Variants in LMNB1 observed in about 807,000 individuals in gnomAD.
LMNB1 encodes the protein lamin-B1.
A neutral mutation model predicts 67.1 loss-of-function variants in LMNB1; 23 were observed. That is an observed-to-expected ratio of 0.34 (90% CI 0.25 to 0.49). The LOEUF (loss-of-function observed/expected upper bound fraction) is 0.49. Among genes scored for constraint, LMNB1 ranks in the 20% least tolerant of loss-of-function variants. LMNB1 has a pLI of 0.99. For missense variants in LMNB1, 634 were observed against 746.5 expected (o/e 0.85, Z 1.76); for synonymous variants, 281 against 282.9 (o/e 0.99, Z 0.07).
intron 1 of LMNB1, among the ~76,000 whole-genome samples, chr5:126,778,137 G>A (rs769735067): frequency 3.3e-5 from 5 of 152,166 alleles, no homozygotes; most frequent in Non-Finnish European, 7.4e-5. Flanking sequence ...GTAAGTGCGC[G>A]CCTGGGACTG....
chr5:126,798,762 A>AGTGTGTGTGTGTGTGTGTGT (rs71665643), intron 1 of LMNB1, among the ~76,000 whole-genome samples: 8 of 149,068 alleles, frequency 5.4e-5, no homozygotes, highest in Non-Finnish European at 1.2e-4. Flanking sequence ...AAAAAAGAGA[A>AGTGTGTGTGTGTGTGTGTGT]GTGTGTGTGT....
chr5:126,778,235 G>A (rs1750526154), intron 1 of LMNB1, among the ~76,000 whole-genome samples: 1 of 151,922 alleles, frequency 6.6e-6, no homozygotes. Context: ...GGGAGCTGGA[G>A]CGCGAGCGCG....
At chr5:126,786,006 TC>T (rs534684503) in intron 1 of LMNB1, among the ~76,000 whole-genome samples, 54 of 147,544 alleles carry the variant, frequency 3.7e-4, no homozygotes, top group African/African-American at 1.3e-3. Context: ...AAAGCAAGAC[TC>T]CCTTTGGGGG....
chr5:126,788,685 C>G (rs1750872495), intron 1 of LMNB1, among the ~76,000 whole-genome samples: 2 of 152,052 alleles, frequency 1.3e-5, no homozygotes, highest in Admixed American at 1.3e-4. Context: ...AGTCATGGAA[C>G]AAGGGTTTTT....
At chr5:126,826,955 A>G (rs569474281) in intron 9 of LMNB1, among the ~76,000 whole-genome samples, 12 of 152,242 alleles carry the variant, frequency 7.9e-5, no homozygotes, top group Admixed American at 1.3e-4. Context: ...TCCTTTGCCT[A>G]CCAGGAGAGC....
Position 126,821,144 on chromosome 5 carries a change from A to C in LMNB1, c.1386+9A>C, listed in dbSNP as rs1751859707. 3 of 1,575,388 alleles carry C rather than the reference A, an allele frequency of 1.9e-6. No homozygotes were observed. On this transcript the variant is annotated intron_variant, in intron 7 of 10. Coordinates refer to ENST00000261366, the MANE Select transcript of LMNB1 (RefSeq NM_005573.4). Reference sequence around the variant, plus strand: ...AGAACACTTCTGAACAGGTAATAAAATAGACCCTTTTTTTTCTAGCAAGGC... The same window carrying C: ...AGAACACTTCTGAACAGGTAATAAACTAGACCCTTTTTTTTCTAGCAAGGC...
chr5:126,783,462 A>G (rs1275122100), intron 1 of LMNB1, among the ~76,000 whole-genome samples: 1 of 152,050 alleles, frequency 6.6e-6, no homozygotes, highest in Admixed American at 6.6e-5. Context: ...GTTATGTTAA[A>G]TGTTACTTTA....
chr5:126,822,026 T>TC (rs895256487), intron 7 of LMNB1, among the ~76,000 whole-genome samples: 3 of 151,768 alleles, frequency 2.0e-5, no homozygotes, highest in Non-Finnish European at 4.4e-5. Context: ...TTTTTTTTTT[T>TC]TGAGTCTTGC....
intron 1 of LMNB1, among the ~76,000 whole-genome samples, chr5:126,782,503 G>A (rs1437664209): frequency 6.6e-6 from 1 of 152,034 alleles, no homozygotes; most frequent in Non-Finnish European, 1.5e-5. Context: ...AAAAATTTTA[G>A]GTTTTCAAAC....
intron 9 of LMNB1, among the ~76,000 whole-genome samples, chr5:126,832,276 G>C (rs1294576964): frequency 6.6e-6 from 1 of 152,024 alleles, no homozygotes; most frequent in African/African-American, 2.4e-5. Context: ...TCCAAAAAAA[G>C]GGATGAATAA....
intron 6 of LMNB1, 65 bp from the exon 7 acceptor site, chr5:126,820,845 T>C (rs1580551433): frequency 3.1e-6 from 4 of 1,305,434 alleles, no homozygotes; most frequent in Non-Finnish European, 4.3e-6. Flanking sequence ...TTTTGTTTTT[T>C]TTTTTTTTAA....
At chr5:126,828,396 C>CA (rs1316920816) in intron 9 of LMNB1, among the ~76,000 whole-genome samples, 1 of 151,792 alleles carries the variant, frequency 6.6e-6, no homozygotes, top group Admixed American at 6.6e-5. Flanking sequence ...TTAAATGCCC[C>CA]AAAAAATAGA....
At position 126,825,998 on chromosome 5, in the gene LMNB1, C is replaced by T. The variant is rs36105360; in HGVS notation, c.1502C>T (p.Ala501Val). The change falls in exon 9 of 11, where the codon GCA (alanine) becomes GTA (valine). Residue 501 changes from alanine to valine, a missense_variant. Coordinates refer to ENST00000261366, the MANE Select transcript of LMNB1 (RefSeq NM_005573.4). ...TTTGGTTTTTTACAGATTTGGGCTGCAAACGCTGGTGTCACAGCCAGCCCC... is the reference window on the plus strand; with the variant it reads ...TTTGGTTTTTTACAGATTTGGGCTGTAAACGCTGGTGTCACAGCCAGCCCC... ...KAGQTVTIWA[A>V]NAGVTASPPT... The T allele has an allele frequency of 0.023, 37,649 of 1,613,792 alleles. 556 individuals carry two copies. The highest frequency in any genetic ancestry group is 0.035 in the South Asian group (3,181 of 91,066).
intron 10 of LMNB1, among the ~76,000 whole-genome samples, chr5:126,833,044 C>G (rs1176269311): frequency 1.3e-5 from 2 of 152,046 alleles, no homozygotes; most frequent in African/African-American, 2.4e-5. Context: ...CCTTTGTTTT[C>G]TAATGTGCAT....
chr5:126,800,951 C>CTA (rs57113826), intron 1 of LMNB1, among the ~76,000 whole-genome samples: 2,919 of 47,186 alleles, frequency 0.062, 208 homozygotes, highest in South Asian at 0.097. Flanking sequence ...TGCAGCCAGA[C>CTA]TATATATATA....
chr5:126,791,246 A>G (rs1380171080), intron 1 of LMNB1, among the ~76,000 whole-genome samples: 1 of 151,718 alleles, frequency 6.6e-6, no homozygotes, highest in African/African-American at 2.4e-5. Flanking sequence ...TTGGTCTTGA[A>G]ATTTATGTCC....
intron 6 of LMNB1, among the ~76,000 whole-genome samples, chr5:126,819,593 C>G (rs1256439436): frequency 2.0e-5 from 3 of 151,796 alleles, no homozygotes; most frequent in African/African-American, 7.3e-5. Flanking sequence ...TGGTTTCAAG[C>G]GATTTGCCTA....
chr5:126,811,773 C>G lies in LMNB1; in HGVS notation c.814C>G (p.Leu272Val). 1 of 1,599,116 alleles carries G rather than the reference C, an allele frequency of 6.3e-7. No homozygotes were observed. Among genetic ancestry groups the G allele is most frequent in the Non-Finnish European group, 8.6e-7 (1 of 1,168,416 alleles). ...EELEQTYHAK[L>V]ENARLSSEMN... ...GACTATGCTTTGCTTCTTCTTTTAG[C>G]TTGAGAATGCCAGACTGTCATCAGA... The change falls in exon 5 of 11, where the codon CTT becomes GTT. Residue 272 changes from leucine (L) to valine (V), a missense_variant and splice_region_variant. Leu to Val is a conservative substitution (Grantham distance 32, BLOSUM62 1). Coordinates refer to ENST00000261366, the MANE Select transcript of LMNB1 (RefSeq NM_005573.4).
intron 5 of LMNB1, among the ~76,000 whole-genome samples, chr5:126,813,474 AC>A (rs1398217901): frequency 1.3e-5 from 2 of 152,350 alleles, no homozygotes; most frequent in Non-Finnish European, 2.9e-5. Context: ...TAGAAATTTA[AC>A]AGATAATCTT....
Sources: allele counts gnomAD v4.1 joint callset (sites outside exome capture counted in the v4.1 genomes callset), GRCh38; gene constraint gnomAD v4.1.1; transcripts MANE v1.5; gene names NCBI Gene and HGNC (gene_info 2026-07-23, HGNC 2026-07-21).